DOCK3: variants seen among roughly 807,000 people sequenced by gnomAD.
The protein encoded by DOCK3 is dedicator of cytokinesis 3, also known as dedicator of cytokinesis protein 3.
In DOCK3, 60 loss-of-function variants were observed where a neutral mutation model predicts 265.6. The observed-to-expected ratio is 0.23, with a 90% CI of 0.18 to 0.28. DOCK3 has a LOEUF of 0.28. Among genes scored for constraint, DOCK3 ranks in the 10% least tolerant of loss-of-function variants. The pLI is 1.00. For synonymous variants in DOCK3, 881 were observed against 938.0 expected (o/e 0.94, Z 1.11); for missense variants, 1,981 against 2,594.3 (o/e 0.76, Z 5.14).
intron 31 of DOCK3, among the ~76,000 whole-genome samples, chr3:51,314,777 G>A (rs527285669): frequency 7.9e-5 from 12 of 152,182 alleles, no homozygotes; most frequent in Non-Finnish European, 1.5e-4. Context: ...TGACAGTTGC[G>A]CATTTGCTTT....
intron 3 of DOCK3, among the ~76,000 whole-genome samples, chr3:50,847,507 C>G (rs893742975): frequency 6.6e-6 from 1 of 152,084 alleles, no homozygotes; most frequent in East Asian, 1.9e-4. Context: ...TTAGGTCTGA[C>G]TAGTCAAGTG....
intron 5 of DOCK3, among the ~76,000 whole-genome samples, chr3:50,979,860 CT>C (rs1230795720): frequency 6.6e-6 from 1 of 152,104 alleles, no homozygotes; most frequent in African/African-American, 2.4e-5. Context: ...TTGGTGGTGT[CT>C]TTAGCTTTTT....
intron 4 of DOCK3, among the ~76,000 whole-genome samples, chr3:50,894,050 A>T (rs2048776356): frequency 1.3e-5 from 2 of 151,844 alleles, no homozygotes; most frequent in Non-Finnish European, 2.9e-5. Flanking sequence ...TAATGGGTGC[A>T]GCACACCAAC....
intron 51 of DOCK3, among the ~76,000 whole-genome samples, chr3:51,377,057 C>G (rs1356760267): frequency 6.6e-6 from 1 of 152,272 alleles, no homozygotes; most frequent in Admixed American, 6.5e-5. Context: ...AGCCAAGAGT[C>G]TAGACAGGCT....
At chr3:51,118,462 T>C (rs1177867951) in intron 9 of DOCK3, among the ~76,000 whole-genome samples, 1 of 152,262 alleles carries the variant, frequency 6.6e-6, no homozygotes, top group African/African-American at 2.4e-5. Flanking sequence ...GTTCTGTCTA[T>C]GTCTATTAGG....
rs553707984 is a variant in DOCK3 at position 50,779,715 on chromosome 3, A to G, written c.121+957A>G. Among the ~76,000 whole-genome samples the G allele has an allele frequency of 2.6e-5, 4 of 152,294 alleles. No homozygotes were observed. In the South Asian group the frequency reaches 6.2e-4, roughly 24 times the overall value. ...TGTTTAAATGTAGTTTGGCTTGACT[A>G]CTGTCCTCTTCTGTGGCATATATGG... On this transcript the variant is annotated intron_variant, in intron 2 of 52. Transcript: ENST00000266037.
Position 51,270,968 on chromosome 3 carries a change from A to G in DOCK3, c.2509A>G (p.Ile837Val), listed in dbSNP as rs762120513. Residue 837 changes from isoleucine to valine, a missense_variant, in exon 24 of 53, where the codon ATT becomes GTT. Ile to Val is a conservative substitution (Grantham distance 29). Around this residue, in one of 4 missense-constraint regions of DOCK3, gnomAD observed 1,357 missense variants for 1,866.8 expected, o/e 0.73. Transcript: ENST00000266037. ...AATGGACGTGGTCAAGCTGCAGTCC[A>G]TTGCCAGGACAGTGGATAGCCGCCT... is the stretch of plus-strand genomic sequence containing the variant. ...QSMDVVKLQS[I>V]ARTVDSRLFS... 3.1e-6 allele frequency: 5 copies of G among 1,613,888 alleles called. No homozygotes were observed. Among genetic ancestry groups the G allele is most frequent in the Non-Finnish European group, 4.2e-6 (5 of 1,179,856 alleles).
intron 27 of DOCK3, among the ~76,000 whole-genome samples, chr3:51,285,048 A>G (rs1304531767): frequency 2.0e-5 from 3 of 152,216 alleles, no homozygotes; most frequent in African/African-American, 7.2e-5. Flanking sequence ...TTGCAGCTAC[A>G]TAACAAGAGT....
chr3:50,998,348 T>C (rs2078354975), intron 5 of DOCK3, among the ~76,000 whole-genome samples: 1 of 152,220 alleles, frequency 6.6e-6, no homozygotes, highest in Non-Finnish European at 1.5e-5. Context: ...GTATTTGAAT[T>C]AGAATCTCTG....
Position 51,264,856 on chromosome 3 carries a change from A to ATAAATAAATAAATAAATAAC in DOCK3, c.2355+4533_2355+4534insATAAATAAATAAATAACTAA, listed in dbSNP as rs1273306423. ...AATAAATAAATAAATAAATAAATAA[A>ATAAATAAATAAATAAATAAC]TAACTTAGATCAGAACAGAGACACA... On this transcript the variant is annotated intron_variant, in intron 23 of 52. Transcript: ENST00000266037. Among the ~76,000 whole-genome samples, 6 of 151,372 alleles carry ATAAATAAATAAATAAATAAC rather than the reference A, an allele frequency of 4.0e-5. No individual in the cohort carries two copies. The South Asian group carries it at 6.2e-4, about 16-fold the overall frequency.
At position 51,348,900 on chromosome 3, in the gene DOCK3, G is replaced by A. The variant is rs1320625824; in HGVS notation, c.3964G>A (p.Glu1322Lys). 1.3e-5 allele frequency: 20 copies of A among 1,584,264 alleles called. No individual in the cohort carries two copies. In the South Asian group the frequency reaches 1.6e-4, roughly 13 times the overall value. ...GTGCAGGGAGCTGGCGTGTCAGTAC[G>A]AGAGCCTCTATGATTACCAGAGCCT... is the stretch of plus-strand genomic sequence containing the variant. ...PLCRELACQY[E>K]SLYDYQSLSW... Residue 1322 changes from glutamate to lysine, a missense_variant, in exon 39 of 53, where the codon GAG becomes AAG. Around this residue, in one of 4 missense-constraint regions of DOCK3, gnomAD observed 1,357 missense variants for 1,866.8 expected, o/e 0.73. Coordinates refer to ENST00000266037, the MANE Select transcript of DOCK3 (RefSeq NM_004947.5).
chr3:51,361,835 C>A lies in DOCK3; in HGVS notation c.5007-24C>A. 1.2e-6 allele frequency: 2 copies of A among 1,608,880 alleles called. No individual in the cohort carries two copies. Among genetic ancestry groups the A allele is most frequent in the Non-Finnish European group, 1.7e-6 (2 of 1,177,214 alleles). ...CCACCTGCCATGGGCCTGACTCCTC[C>A]CTATTTCCCACTCTTGCTCACAGCC... On this transcript the variant is annotated intron_variant, in intron 47 of 52. Coordinates refer to ENST00000266037, the MANE Select transcript of DOCK3 (RefSeq NM_004947.5). This position sits in a 1 kb window ranked among gnomAD's most constrained non-coding sequence, Gnocchi z 4.2.
At chr3:51,067,126 G>A (rs1480016293) in intron 6 of DOCK3, among the ~76,000 whole-genome samples, 1 of 152,128 alleles carries the variant, frequency 6.6e-6, no homozygotes, top group Non-Finnish European at 1.5e-5. Flanking sequence ...TGTGTGCCAA[G>A]CAAATTGGTC....
At chr3:50,746,562 C>A (rs1168038063) in intron 1 of DOCK3, among the ~76,000 whole-genome samples, 2 of 152,090 alleles carry the variant, frequency 1.3e-5, no homozygotes, top group Admixed American at 1.3e-4. Flanking sequence ...TGTGTTAGTC[C>A]ATTCTTGTTT....
chr3:51,144,152 G>T (rs1232988601), intron 9 of DOCK3, among the ~76,000 whole-genome samples: 1 of 152,126 alleles, frequency 6.6e-6, no homozygotes, highest in East Asian at 1.9e-4. Context: ...CTATGTGTAT[G>T]TGGGTTATCC....
chr3:51,365,914 T>A (rs1009673781), intron 49 of DOCK3, among the ~76,000 whole-genome samples: 1 of 152,258 alleles, frequency 6.6e-6, no homozygotes, highest in Non-Finnish European at 1.5e-5. Context: ...GATTTTTGCA[T>A]TGATGTTCAT....
intron 2 of DOCK3, among the ~76,000 whole-genome samples, chr3:50,838,838 T>C (rs2045661527): frequency 6.6e-6 from 1 of 152,242 alleles, no homozygotes; most frequent in Non-Finnish European, 1.5e-5. Flanking sequence ...CTTTCTCTTT[T>C]CCTTACTGTC....
intron 6 of DOCK3, among the ~76,000 whole-genome samples, chr3:51,072,677 G>A (rs2081920472): frequency 1.3e-5 from 2 of 151,978 alleles, no homozygotes; most frequent in Admixed American, 6.6e-5. Context: ...CAAAGTGCTG[G>A]AATTATAGGC....
At chr3:50,904,200 G>C (rs973720383) in intron 4 of DOCK3, among the ~76,000 whole-genome samples, 1 of 152,130 alleles carries the variant, frequency 6.6e-6, no homozygotes, top group African/African-American at 2.4e-5. Flanking sequence ...CTTTGCTATT[G>C]TGAATAGTGC....
Sources: allele counts gnomAD v4.1 joint callset (sites outside exome capture counted in the v4.1 genomes callset), GRCh38; gene constraint gnomAD v4.1.1; regional missense constraint gnomAD v4.1.1; non-coding constraint Gnocchi (gnomAD v3.1); transcripts MANE v1.5; gene names NCBI Gene and HGNC (gene_info 2026-07-23, HGNC 2026-07-21).